Variants in FBXW11 observed in about 807,000 individuals in gnomAD.
FBXW11 encodes F-box/WD repeat-containing protein 11.
In FBXW11, 19 loss-of-function variants were observed where a neutral mutation model predicts 77.6. That is an observed-to-expected ratio of 0.24 (90% CI 0.17 to 0.36). The LOEUF is 0.36. FBXW11 is among the 10% of genes least tolerant of loss of function. The pLI, the probability that FBXW11 is intolerant of heterozygous loss-of-function variation, is 1.00. For synonymous variants in FBXW11, 235 were observed against 249.4 expected, an observed-to-expected ratio of 0.94 and a Z score of 0.54; for missense variants, 334 against 704.2, an observed-to-expected ratio of 0.47 and a Z score of 5.95.
At chr5:171,967,883 T>TACACACAC (rs59469025) in intron 1 of FBXW11, among the ~76,000 whole-genome samples, 3 of 74,988 alleles carry the variant, frequency 4.0e-5, no homozygotes, top group African/African-American at 1.8e-4. Flanking sequence ...TATATATATA[T>TACACACAC]ACACACACAC....
At position 171,918,821 on chromosome 5, in the gene FBXW11, C is replaced by A. The variant is rs567138415; in HGVS notation, c.148-4416G>T. The stretch of plus-strand genomic sequence containing the variant: ...GGCCAGTGCCTGTGCCAGGAGCATT[C>A]CACACCCTCTGAACTGTGAGAATCA... On this transcript the variant is annotated intron_variant, in intron 2 of 13. Coordinates refer to ENST00000517395, the MANE Select transcript of FBXW11 (RefSeq NM_001378974.1). Among the ~76,000 whole-genome samples the A allele has an allele frequency of 4.1e-4, 62 of 152,286 alleles. No individual in the cohort carries two copies. The South Asian group carries it at 4.4e-3, about 11-fold the overall frequency.
At chr5:171,999,291 C>T (rs1333567120) in intron 1 of FBXW11, among the ~76,000 whole-genome samples, 3 of 151,984 alleles carry the variant, frequency 2.0e-5, no homozygotes, top group African/African-American at 7.3e-5. Flanking sequence ...TATAGCAAAA[C>T]ACAACCACAG....
At chr5:171,940,177 T>C (rs963560519) in intron 2 of FBXW11, among the ~76,000 whole-genome samples, 67 of 152,162 alleles carry the variant, frequency 4.4e-4, no homozygotes, top group African/African-American at 1.6e-3. Context: ...TGAGTAAATA[T>C]ATTGTGGAAA....
intron 6 of FBXW11, among the ~76,000 whole-genome samples, chr5:171,893,556 A>G (rs993934257): frequency 3.3e-5 from 5 of 152,068 alleles, no homozygotes; most frequent in African/African-American, 1.2e-4. Flanking sequence ...AGCAGAACTC[A>G]ACGCATGGAA....
At chr5:171,882,772 CCTTT>C (rs1758605608) in intron 7 of FBXW11, among the ~76,000 whole-genome samples, 1 of 151,798 alleles carries the variant, frequency 6.6e-6, no homozygotes, top group African/African-American at 2.4e-5. Flanking sequence ...TAATTTCTAG[CCTTT>C]CTTTTTTTAT....
chr5:171,968,497 A>G (rs375315762), intron 1 of FBXW11, among the ~76,000 whole-genome samples: 4 of 152,068 alleles, frequency 2.6e-5, no homozygotes, highest in African/African-American at 9.6e-5. Context: ...TTGAGGTAAC[A>G]AAGACACTCT....
chr5:171,870,381 T>C (rs1757680836), intron 11 of FBXW11, among the ~76,000 whole-genome samples: 1 of 80,570 alleles, frequency 1.2e-5, no homozygotes, highest in Non-Finnish European at 2.3e-5. Flanking sequence ...AAACTTATTG[T>C]TGAACGAACA....
At chr5:171,893,445 A>AAAAAAAAAAAAAAAAAC in intron 6 of FBXW11, among the ~76,000 whole-genome samples, 1 of 149,010 alleles carries the variant, frequency 6.7e-6, no homozygotes, top group Non-Finnish European at 1.5e-5. Flanking sequence ...AAAAAAAAAA[A>AAAAAAAAAAAAAAAAAC]AACTAACCCA....
At chr5:171,980,123 G>A (rs1765064022) in intron 1 of FBXW11, among the ~76,000 whole-genome samples, 1 of 152,170 alleles carries the variant, frequency 6.6e-6, no homozygotes, top group Non-Finnish European at 1.5e-5. Context: ...AATTGTGGGA[G>A]CTAAGAACAT....
chr5:171,999,934 G>A (rs566553905), intron 1 of FBXW11, among the ~76,000 whole-genome samples: 4 of 152,114 alleles, frequency 2.6e-5, no homozygotes, highest in South Asian at 2.1e-4. Context: ...TCCTAAAAAC[G>A]CTTCCCGCTG....
In FBXW11 at chr5:171,982,555, G is replaced by A. The variant is rs184935746; in HGVS notation, c.45+23903C>T. 3.0e-4 allele frequency among the ~76,000 whole-genome samples: 45 copies of A among 152,290 alleles called. 1 individual carries two copies. In the East Asian group the frequency reaches 8.5e-3, roughly 29 times the overall value. On this transcript the variant is annotated intron_variant, in intron 1 of 13. Coordinates refer to ENST00000517395, the MANE Select transcript of FBXW11 (RefSeq NM_001378974.1). Reference sequence around the variant, plus strand: ...TGGGATTACAGGTGTGAGCCACCACGCCCAGCCAGAAGGGCTAAATTTTAA... The same window carrying A: ...TGGGATTACAGGTGTGAGCCACCACACCCAGCCAGAAGGGCTAAATTTTAA...
chr5:171,892,140 C>G (rs1759390971), intron 6 of FBXW11, among the ~76,000 whole-genome samples: 1 of 152,152 alleles, frequency 6.6e-6, no homozygotes, highest in Non-Finnish European at 1.5e-5. Flanking sequence ...TCTTATTCCT[C>G]TTATCATTCA....
chr5:171,985,147 T>C (rs1765366471), intron 1 of FBXW11, among the ~76,000 whole-genome samples: 1 of 152,190 alleles, frequency 6.6e-6, no homozygotes, highest in Non-Finnish European at 1.5e-5. Flanking sequence ...CATCTTTCCT[T>C]CCCTGGGACA....
chr5:171,892,908 T>C (rs1759451208), intron 6 of FBXW11, among the ~76,000 whole-genome samples: 1 of 152,186 alleles, frequency 6.6e-6, no homozygotes, highest in Non-Finnish European at 1.5e-5. Context: ...AGTACTTAAT[T>C]ACTGGCTCTG....
At chr5:171,879,729 T>A (rs1159384929) in intron 7 of FBXW11, among the ~76,000 whole-genome samples, 2 of 152,262 alleles carry the variant, frequency 1.3e-5, no homozygotes, top group East Asian at 3.8e-4. Flanking sequence ...ATACTTACAA[T>A]ATGCCATCTG....
intron 6 of FBXW11, 131 bp downstream of exon 6, chr5:171,898,873 C>T: frequency 2.0e-6 from 1 of 505,162 alleles, no homozygotes; most frequent in African/African-American, 2.0e-5. Flanking sequence ...GACACATTTA[C>T]TCCAAAAGCT....
intron 7 of FBXW11, among the ~76,000 whole-genome samples, chr5:171,878,592 AAG>A (rs796288258): frequency 7.5e-5 from 10 of 132,964 alleles, no homozygotes; most frequent in African/African-American, 3.2e-4. Flanking sequence ...GTGTGTGTGT[AAG>A]AGAGAGAGAG....
At chr5:171,874,507 C>T (rs1003356201) in intron 9 of FBXW11, among the ~76,000 whole-genome samples, 2 of 152,052 alleles carry the variant, frequency 1.3e-5, no homozygotes, top group African/African-American at 4.8e-5. Flanking sequence ...GCATATAAAT[C>T]CTAGTTGTTT....
At position 171,940,611 on chromosome 5, in the gene FBXW11, T is replaced by C. The variant is rs1170077223; in HGVS notation, c.147+16986A>G. Among the ~76,000 whole-genome samples the C allele has an allele frequency of 7.2e-5, 11 of 152,056 alleles. No homozygotes were observed. The South Asian group carries it at 2.1e-3, about 29-fold the overall frequency. On this transcript the variant is annotated intron_variant, in intron 2 of 13. Coordinates refer to ENST00000517395, the MANE Select transcript of FBXW11 (RefSeq NM_001378974.1). Reference sequence around the variant, plus strand: ...ACAGATCAAAAGGATACAGACAGGCTGGGTGCGGTGGCTCATGTCTGTAAT... The same window carrying C: ...ACAGATCAAAAGGATACAGACAGGCCGGGTGCGGTGGCTCATGTCTGTAAT...
Sources: allele counts gnomAD v4.1 joint callset (sites outside exome capture counted in the v4.1 genomes callset), GRCh38; gene constraint gnomAD v4.1.1; transcripts MANE v1.5; gene names NCBI Gene and HGNC (gene_info 2026-07-23, HGNC 2026-07-21).